Variants in NKIRAS1 observed in about 807,000 individuals in gnomAD.
NKIRAS1 encodes NFKB inhibitor interacting Ras like 1.
Under a neutral mutation model 19.8 loss-of-function variants are expected in NKIRAS1, and 16 were observed. The ratio of observed to expected loss-of-function variants is 0.81; its 90% CI spans 0.55 to 1.23. The LOEUF is 1.23. Ranked by LOEUF, NKIRAS1 falls within the 50% of genes most tolerant of loss-of-function variation. The pLI is 0.00. For missense variants in NKIRAS1, 184 were observed against 220.0 expected, an observed-to-expected ratio of 0.84 and a Z score of 1.04; for synonymous variants, 88 against 79.0, an observed-to-expected ratio of 1.11 and a Z score of -0.61.
At position 23,937,899 on chromosome 3, in the gene NKIRAS1, C is replaced by A. The variant is rs111632334; in HGVS notation, c.-140+8424G>T. Among the ~76,000 whole-genome samples, 359 of 151,980 alleles carry A rather than the reference C, an allele frequency of 2.4e-3. 1 individual carries two copies. The highest frequency in any genetic ancestry group is 8.0e-3 in the African/African-American group (330 of 41,428). On this transcript the variant is annotated intron_variant, in intron 1 of 4. Transcript: ENST00000421515. ...CTGCATTCATTACATGTAGACATAACCCTTTTACCTACTAGATTCTTCTCC... is the reference window on the plus strand; with the variant it reads ...CTGCATTCATTACATGTAGACATAAACCTTTTACCTACTAGATTCTTCTCC...
chr3:23,935,408 CTCTTTTTTCTTTT>C (rs1214421447), intron 1 of NKIRAS1, among the ~76,000 whole-genome samples: 1 of 151,046 alleles, frequency 6.6e-6, no homozygotes, highest in African/African-American at 2.4e-5. Context: ...AACGAATCAA[CTCTTTTTTCTTTT>C]TCTTTTTTTG....
At chr3:23,928,511 T>TCGAA (rs1431749481) in intron 1 of NKIRAS1, among the ~76,000 whole-genome samples, 5 of 151,818 alleles carry the variant, frequency 3.3e-5, no homozygotes, top group African/African-American at 4.8e-5. Flanking sequence ...AAAAAAATGT[T>TCGAA]CATACTAATT....
intron 1 of NKIRAS1, among the ~76,000 whole-genome samples, chr3:23,930,645 A>T (rs1705298104): frequency 6.6e-6 from 1 of 152,178 alleles, no homozygotes; most frequent in African/African-American, 2.4e-5. Flanking sequence ...TAATGATCAT[A>T]AGAGTCAATA....
At chr3:23,918,640 A>C (rs569954135), upstream of NKIRAS1, 105 of 1,561,232 alleles carry the variant, frequency 6.7e-5, no homozygotes, top group Non-Finnish European at 8.6e-5. Flanking sequence ...AGAGAGATTA[A>C]GCAACTTTTC....
intron 3 of NKIRAS1, 46 bp downstream of exon 3, chr3:23,910,765 G>A (rs775821349): frequency 7.0e-7 from 1 of 1,433,446 alleles, no homozygotes; most frequent in South Asian, 1.2e-5. Flanking sequence ...AAAGACCCCT[G>A]ATAGCTCCCA....
chr3:23,940,262 T>C (rs935741973), intron 1 of NKIRAS1, among the ~76,000 whole-genome samples: 3 of 151,306 alleles, frequency 2.0e-5, no homozygotes, highest in Non-Finnish European at 4.4e-5. Context: ...TGGGAGCATC[T>C]CGAGCCCATG....
chr3:23,945,368 G>A (rs555510712), intron 1 of NKIRAS1: 204 of 169,554 alleles, frequency 1.2e-3, no homozygotes, highest in African/African-American at 4.7e-3. Flanking sequence ...CCAGCGAGGA[G>A]CGCCGCTCGC....
chr3:23,936,777 A>G (rs6550814), intron 1 of NKIRAS1, among the ~76,000 whole-genome samples: 98,134 of 152,050 alleles, frequency 0.65, 31,839 homozygotes, highest in Middle Eastern at 0.73. Flanking sequence ...CGATCTCCTG[A>G]CCTTGTGATC....
chr3:23,943,104 A>G (rs953006633), intron 1 of NKIRAS1, among the ~76,000 whole-genome samples: 25 of 152,134 alleles, frequency 1.6e-4, no homozygotes, highest in African/African-American at 4.6e-4. Flanking sequence ...ATGTGTAAAA[A>G]CATATATTCA....
At chr3:23,920,090 G>A, upstream of NKIRAS1, 3 of 985,882 alleles carry the variant, frequency 3.0e-6, no homozygotes, top group East Asian at 2.3e-4. Context: ...GAAGTTGAAT[G>A]TGCGATAAAA....
intron 1 of NKIRAS1, among the ~76,000 whole-genome samples, chr3:23,944,473 G>A (rs1297117681): frequency 6.6e-6 from 1 of 152,176 alleles, no homozygotes; most frequent in Non-Finnish European, 1.5e-5. Context: ...GGGCATCAAT[G>A]CACTTTCCTC....
chr3:23,902,970 G>C (rs1702666471), intron 3 of NKIRAS1, among the ~76,000 whole-genome samples: 1 of 152,218 alleles, frequency 6.6e-6, no homozygotes, highest in Admixed American at 6.5e-5. Flanking sequence ...GGAATCTGGA[G>C]AATCTGGCCA....
At chr3:23,942,891 T>C (rs1055190108) in intron 1 of NKIRAS1, among the ~76,000 whole-genome samples, 3 of 152,102 alleles carry the variant, frequency 2.0e-5, no homozygotes, top group African/African-American at 4.8e-5. Context: ...GGGACTACAG[T>C]TGCACACCAC....
At chr3:23,908,369 C>A (rs1703280638) in intron 3 of NKIRAS1, among the ~76,000 whole-genome samples, 1 of 152,104 alleles carries the variant, frequency 6.6e-6, no homozygotes. Context: ...GAAAAATACC[C>A]ATAATTACCT....
At position 23,933,843 on chromosome 3, in the gene NKIRAS1, G is replaced by C. The variant is rs72627091; in HGVS notation, c.-140+12480C>G. Among the ~76,000 whole-genome samples, 546 of 152,284 alleles carry C rather than the reference G, an allele frequency of 3.6e-3. 14 individuals carry two copies. The East Asian group carries it at 0.05, about 14-fold the overall frequency. Reference sequence around the variant, plus strand: ...TGGAAAGTCCAAGATCAAGGCACCAGTAAGTTGGGTGTCTGGTAAAGGGCC... The same window carrying C: ...TGGAAAGTCCAAGATCAAGGCACCACTAAGTTGGGTGTCTGGTAAAGGGCC... On this transcript the variant is annotated intron_variant, in intron 1 of 4. Transcript: ENST00000421515.
At chr3:23,936,361 T>C (rs892849414) in intron 1 of NKIRAS1, among the ~76,000 whole-genome samples, 3 of 152,100 alleles carry the variant, frequency 2.0e-5, no homozygotes, top group African/African-American at 7.2e-5. Context: ...CTTAGTCACA[T>C]TGGCCTGTAA....
intron 1 of NKIRAS1, among the ~76,000 whole-genome samples, chr3:23,925,462 G>A (rs1301801576): frequency 6.6e-6 from 1 of 152,096 alleles, no homozygotes; most frequent in African/African-American, 2.4e-5. Context: ...GGCGAAACCC[G>A]TCTCTATTAA....
intron 1 of NKIRAS1, among the ~76,000 whole-genome samples, chr3:23,914,121 C>A (rs1329851134): frequency 6.6e-6 from 1 of 151,224 alleles, no homozygotes; most frequent in African/African-American, 2.4e-5. Context: ...CCAGGCTAAT[C>A]AATAACATTG....
chr3:23,897,009 C>A (rs1702058532), intron 4 of NKIRAS1, among the ~76,000 whole-genome samples: 1 of 151,998 alleles, frequency 6.6e-6, no homozygotes, highest in South Asian at 2.1e-4. Context: ...AGTTGGGAGA[C>A]CAGCCTGGGC....
Sources: gnomAD v4.1 joint callset for allele counts (sites outside exome capture counted in the v4.1 genomes callset) on GRCh38, gnomAD v4.1.1 for gene constraint, MANE v1.5 for transcripts, NCBI Gene and HGNC (gene_info 2026-07-23, HGNC 2026-07-21) for gene names.